The following IDO2 variants were observed in gnomAD, a reference collection of about 807,000 sequenced individuals.
IDO2 encodes the protein indoleamine 2,3-dioxygenase 2.
IDO2 carries 46 observed loss-of-function variants against 45.1 expected under a neutral mutation model. The ratio of observed to expected loss-of-function variants is 1.02; its 90% CI spans 0.80 to 1.30. The LOEUF (loss-of-function observed/expected upper bound fraction) is 1.30. IDO2 is among the 50% of genes most tolerant of loss of function. IDO2 has a pLI of 0.00. For synonymous variants in IDO2, 218 were observed against 184.9 expected (o/e 1.18, Z -1.45); for missense variants, 544 against 491.8 (o/e 1.11, Z -1.00).
intron 5 of IDO2, chr8:39,985,082 C>G (rs1384720308): frequency 3.3e-6 from 1 of 307,244 alleles, no homozygotes; most frequent in African/African-American, 2.3e-5. Context: ...CAGGCACCTA[C>G]CACCACACCC....
At chr8:39,973,122 A>G (rs979076155) in intron 3 of IDO2, among the ~76,000 whole-genome samples, 1 of 152,176 alleles carries the variant, frequency 6.6e-6, no homozygotes, top group Admixed American at 6.5e-5. Flanking sequence ...ATGATGTTTC[A>G]CTGTGAGTGA....
At chr8:39,950,016 G>T (rs1450338641) in intron 2 of IDO2, among the ~76,000 whole-genome samples, 1 of 151,750 alleles carries the variant, frequency 6.6e-6, no homozygotes, top group African/African-American at 2.4e-5. Context: ...GTGGTCCAAG[G>T]CCTAGAACAT....
At chr8:39,946,313 C>T (rs1807728818) in intron 1 of IDO2, among the ~76,000 whole-genome samples, 1 of 152,212 alleles carries the variant, frequency 6.6e-6, no homozygotes, top group Non-Finnish European at 1.5e-5. Context: ...CCAAGTTGTC[C>T]TTAAAAACTC....
chr8:40,004,855 C>T (rs1426645507), intron 8 of IDO2, among the ~76,000 whole-genome samples: 1 of 152,182 alleles, frequency 6.6e-6, no homozygotes, highest in Non-Finnish European at 1.5e-5. Context: ...CCTAGTGTGG[C>T]AATCCCTGGG....
chr8:40,012,607 C>T (rs1037255084), intron 9 of IDO2, among the ~76,000 whole-genome samples: 5 of 152,152 alleles, frequency 3.3e-5, no homozygotes, highest in Non-Finnish European at 7.3e-5. Context: ...GTCACCCCCA[C>T]AAACTGTGAT....
At chr8:40,003,406 A>G (rs1585419531) in intron 8 of IDO2, among the ~76,000 whole-genome samples, 1 of 142,446 alleles carries the variant, frequency 7.0e-6, no homozygotes, top group Non-Finnish European at 1.5e-5. Flanking sequence ...ACGAGAATAT[A>G]TCCTTTCATT....
chr8:39,984,534 G>GT (rs1808396198), intron 5 of IDO2, among the ~76,000 whole-genome samples: 1 of 152,214 alleles, frequency 6.6e-6, no homozygotes, highest in Non-Finnish European at 1.5e-5. Context: ...TTCCTAGGGA[G>GT]TAAGAGTGAA....
intron 1 of IDO2, among the ~76,000 whole-genome samples, chr8:39,941,356 TA>T (rs565015906): frequency 9.9e-4 from 150 of 151,952 alleles, no homozygotes; most frequent in African/African-American, 3.0e-3. Flanking sequence ...ATACTATGAA[TA>T]ACCAGACCAA....
chr8:39,954,628 A>G (rs963918735), intron 2 of IDO2, among the ~76,000 whole-genome samples: 1 of 150,078 alleles, frequency 6.7e-6, no homozygotes, highest in Non-Finnish European at 1.5e-5. Context: ...CACTATGCAC[A>G]AATTCCCTAT....
At chr8:39,997,982 C>T in intron 8 of IDO2, 1 of 229,974 alleles carries the variant, frequency 4.3e-6, no homozygotes, top group South Asian at 7.7e-5. Flanking sequence ...TAGCAAATGC[C>T]TATTCTGTAA....
At chr8:39,947,980 T>C (rs963063879) in intron 1 of IDO2, among the ~76,000 whole-genome samples, 11 of 151,958 alleles carry the variant, frequency 7.2e-5, no homozygotes, top group African/African-American at 2.7e-4. Context: ...AGAGATGGGG[T>C]TTCTCCATGA....
rs1007262498 is a variant in IDO2, at chr8:39,971,760, T to C, written c.196-7307T>C. Among the ~76,000 whole-genome samples the C allele has an allele frequency of 3.9e-5, 6 of 152,012 alleles. No individual in the cohort carries two copies. In the South Asian group the frequency reaches 1.2e-3, roughly 31 times the overall value. On this transcript the variant is annotated intron_variant, in intron 3 of 10. Coordinates refer to ENST00000502986, the Ensembl canonical transcript of IDO2. ...ATAGTATGAGAACTAAAATTAGAAG[T>C]GGAATCTGATTTTATAACTGAGTTG...
intron 3 of IDO2, among the ~76,000 whole-genome samples, chr8:39,977,953 A>T (rs1808286656): frequency 2.0e-5 from 3 of 152,242 alleles, no homozygotes; most frequent in Admixed American, 1.3e-4. Context: ...TGTTACAAAC[A>T]ATCCAATTAC....
intron 1 of IDO2, among the ~76,000 whole-genome samples, chr8:39,948,518 T>G (rs1585396318): frequency 6.6e-6 from 1 of 152,348 alleles, no homozygotes; most frequent in Non-Finnish European, 1.5e-5. Context: ...CCTGACTACA[T>G]GTTTGTAATG....
intron 6 of IDO2, 65 bp downstream of exon 6, chr8:39,985,587 A>T (rs1808410923): frequency 2.3e-6 from 3 of 1,298,774 alleles, no homozygotes; most frequent in African/African-American, 1.5e-5. Context: ...TTACAATAAA[A>T]CAAAGAACAA....
intron 8 of IDO2, among the ~76,000 whole-genome samples, chr8:39,992,155 C>T (rs1235382167): frequency 3.3e-5 from 5 of 152,216 alleles, no homozygotes; most frequent in Non-Finnish European, 5.9e-5. Context: ...CAGGGGTGGA[C>T]TCTGTGCCCC....
intron 2 of IDO2, among the ~76,000 whole-genome samples, chr8:39,959,565 T>A (rs1807962621): frequency 1.3e-5 from 1 of 79,332 alleles, no homozygotes; most frequent in Admixed American, 1.4e-4. Context: ...GTCACACCTG[T>A]AATCTTAGCA....
chr8:40,006,318 C>T (rs866182103), intron 9 of IDO2, among the ~76,000 whole-genome samples: 7 of 152,176 alleles, frequency 4.6e-5, no homozygotes, highest in East Asian at 3.9e-4. Flanking sequence ...ATAAGCTTTG[C>T]GTTAGGTGAT....
intron 3 of IDO2, among the ~76,000 whole-genome samples, chr8:39,968,751 C>G (rs922203384): frequency 3.9e-5 from 6 of 152,006 alleles, no homozygotes; most frequent in Non-Finnish European, 8.8e-5. Context: ...AGGACAAATA[C>G]CTAAAGCATG....
Sources: allele counts gnomAD v4.1 joint callset (sites outside exome capture counted in the v4.1 genomes callset), GRCh38; gene constraint gnomAD v4.1.1; transcripts MANE v1.5; gene names NCBI Gene and HGNC (gene_info 2026-07-23, HGNC 2026-07-21).